The following ZNF804B variants were observed in gnomAD, a reference collection of about 807,000 sequenced individuals.
The protein encoded by ZNF804B is zinc finger protein 804B, also known as zinc finger 804B.
A neutral mutation model predicts 101.4 loss-of-function variants in ZNF804B; 80 were observed. The observed-to-expected ratio is 0.79, with a 90% confidence interval of 0.66 to 0.95. ZNF804B has a LOEUF of 0.95. ZNF804B is among the 40% of genes least tolerant of loss of function. The pLI, the probability that ZNF804B is intolerant of heterozygous loss-of-function variation, is 0.00. For synonymous variants in ZNF804B, 622 were observed against 558.8 expected, an observed-to-expected ratio of 1.11 and a Z score of -1.59; for missense variants, 1,673 against 1,561.9, an observed-to-expected ratio of 1.07 and a Z score of -1.20.
intron 2 of ZNF804B, among the ~76,000 whole-genome samples, chr7:89,252,794 ATGCCTCGTGTT>A (rs1789562696): frequency 6.6e-6 from 1 of 152,206 alleles, no homozygotes; most frequent in Non-Finnish European, 1.5e-5. Context: ...AGAAAATCAG[ATGCCTCGTGTT>A]TGCACTTACA....
At chr7:88,971,132 T>G (rs926696727) in intron 1 of ZNF804B, among the ~76,000 whole-genome samples, 1 of 151,546 alleles carries the variant, frequency 6.6e-6, no homozygotes, top group African/African-American at 2.4e-5. Context: ...CAGATGGTCT[T>G]AAAAGCCTAA....
At chr7:89,221,969 T>C (rs968167501) in intron 2 of ZNF804B, among the ~76,000 whole-genome samples, 2 of 151,952 alleles carry the variant, frequency 1.3e-5, no homozygotes, top group South Asian at 2.1e-4. Context: ...GATCTTGTGA[T>C]ACATTAATTT....
intron 1 of ZNF804B, among the ~76,000 whole-genome samples, chr7:88,984,371 T>G (rs1031026211): frequency 6.6e-6 from 1 of 152,060 alleles, no homozygotes; most frequent in African/African-American, 2.4e-5. Context: ...GTAATTGTGT[T>G]TTTGCATGTT....
chr7:88,844,320 T>A (rs1355755411), intron 1 of ZNF804B, among the ~76,000 whole-genome samples: 6 of 152,222 alleles, frequency 3.9e-5, no homozygotes, highest in African/African-American at 1.4e-4. Flanking sequence ...TAAACCAAGA[T>A]CCAATTAATG....
At chr7:89,105,753 C>T (rs1195288635) in intron 1 of ZNF804B, among the ~76,000 whole-genome samples, 7 of 152,132 alleles carry the variant, frequency 4.6e-5, no homozygotes. Flanking sequence ...TCTGATCTCA[C>T]AGGTCCCCAA....
chr7:89,153,429 G>GATAATAATAATA (rs58654760), intron 1 of ZNF804B, among the ~76,000 whole-genome samples: 464 of 145,520 alleles, frequency 3.2e-3, no homozygotes, highest in Middle Eastern at 0.018. Context: ...TGATGATGAT[G>GATAATAATAATA]ATAATAATAA....
At chr7:88,897,587 C>A (rs1025445928) in intron 1 of ZNF804B, among the ~76,000 whole-genome samples, 1 of 152,168 alleles carries the variant, frequency 6.6e-6, no homozygotes, top group Non-Finnish European at 1.5e-5. Flanking sequence ...CATGAAACCT[C>A]ACCAGAACTC....
chr7:89,327,544 C>T (rs982888469), intron 3 of ZNF804B, 70 bp downstream of exon 3: 2 of 1,559,684 alleles, frequency 1.3e-6, no homozygotes, highest in African/African-American at 2.8e-5. Flanking sequence ...AAAGGCAAAT[C>T]TACTGTAACA....
At chr7:89,104,020 A>T (rs1306796007) in intron 1 of ZNF804B, among the ~76,000 whole-genome samples, 2 of 151,898 alleles carry the variant, frequency 1.3e-5, no homozygotes, top group Admixed American at 1.3e-4. Flanking sequence ...TTGTTTATAT[A>T]GTGGACAATG....
intron 1 of ZNF804B, among the ~76,000 whole-genome samples, chr7:89,031,405 T>G (rs1312151700): frequency 1.3e-5 from 2 of 151,938 alleles, no homozygotes; most frequent in Non-Finnish European, 2.9e-5. Context: ...ACTGCCTTCT[T>G]CAATAAACCC....
chr7:88,880,059 A>AC (rs1248671732), intron 1 of ZNF804B, among the ~76,000 whole-genome samples: 1 of 151,710 alleles, frequency 6.6e-6, no homozygotes, highest in Non-Finnish European at 1.5e-5. Context: ...AGAAAAAAAA[A>AC]AACCACTTAT....
At chr7:89,332,140 A>T (rs983323667) in intron 3 of ZNF804B, among the ~76,000 whole-genome samples, 3 of 151,824 alleles carry the variant, frequency 2.0e-5, no homozygotes, top group African/African-American at 7.2e-5. Context: ...AAATAAAGGG[A>T]AGCTAATTCA....
At chr7:88,998,081 C>T (rs1276594875) in intron 1 of ZNF804B, among the ~76,000 whole-genome samples, 1 of 152,026 alleles carries the variant, frequency 6.6e-6, no homozygotes, top group Non-Finnish European at 1.5e-5. Flanking sequence ...GATGTCACTG[C>T]CTGTCACCTT....
intron 1 of ZNF804B, among the ~76,000 whole-genome samples, chr7:88,860,122 T>C (rs569088328): frequency 1.3e-5 from 2 of 152,140 alleles, no homozygotes; most frequent in South Asian, 4.1e-4. Context: ...CTCTGCTTTG[T>C]TATATTTGGA....
At chr7:89,270,280 A>C (rs1057385380) in intron 2 of ZNF804B, among the ~76,000 whole-genome samples, 1 of 152,224 alleles carries the variant, frequency 6.6e-6, no homozygotes, top group African/African-American at 2.4e-5. Flanking sequence ...AGCTTCCTAC[A>C]TATGGCTAGC....
intron 1 of ZNF804B, among the ~76,000 whole-genome samples, chr7:89,084,108 A>C (rs1278165387): frequency 6.6e-6 from 1 of 151,948 alleles, no homozygotes; most frequent in Admixed American, 6.6e-5. Context: ...ATCTGGGTGG[A>C]CACACAAAGA....
chr7:89,023,857 C>T (rs1478127321), intron 1 of ZNF804B, among the ~76,000 whole-genome samples: 1 of 152,136 alleles, frequency 6.6e-6, no homozygotes, highest in African/African-American at 2.4e-5. Flanking sequence ...ATCACTCTTG[C>T]CTCATTTTTC....
intron 1 of ZNF804B, among the ~76,000 whole-genome samples, chr7:88,999,785 G>T (rs1183526927): frequency 1.3e-5 from 2 of 151,784 alleles, no homozygotes. Context: ...GCAAAGTTTG[G>T]CTGTGTGTAT....
intron 2 of ZNF804B, among the ~76,000 whole-genome samples, chr7:89,292,974 G>A (rs1291073055): frequency 6.6e-6 from 1 of 151,842 alleles, no homozygotes; most frequent in Non-Finnish European, 1.5e-5. Flanking sequence ...TAAATAAATG[G>A]AAGGATATTT....
Sources: gnomAD v4.1 joint callset for allele counts (sites outside exome capture counted in the v4.1 genomes callset) on GRCh38, gnomAD v4.1.1 for gene constraint, MANE v1.5 for transcripts, NCBI Gene and HGNC (gene_info 2026-07-23, HGNC 2026-07-21) for gene names.